The following NT5C2 variants were observed in gnomAD, a reference collection of about 807,000 sequenced individuals.
The protein encoded by NT5C2 is cytosolic purine 5'-nucleotidase.
In NT5C2, 58 loss-of-function variants were observed where a neutral mutation model predicts 76.1. That is an observed-to-expected ratio of 0.76 (90% CI 0.62 to 0.95). The LOEUF is 0.95. Among genes scored for constraint, NT5C2 ranks in the 40% least tolerant of loss-of-function variants. NT5C2 has a pLI of 0.00. For missense variants in NT5C2, 478 were observed against 690.3 expected, an observed-to-expected ratio of 0.69 and a Z score of 3.45; for synonymous variants, 229 against 237.4, an observed-to-expected ratio of 0.96 and a Z score of 0.32.
At chr10:103,127,352 T>C (rs2076861273) in intron 4 of NT5C2, among the ~76,000 whole-genome samples, 1 of 152,230 alleles carries the variant, frequency 6.6e-6, no homozygotes, top group African/African-American at 2.4e-5. Flanking sequence ...TATACAAATG[T>C]TAGTCTTACA....
rs560344785 is a variant in NT5C2 at position 103,102,549 on chromosome 10, CAG to C, written c.390-1225_390-1224del. ...CTTTTTTCTTTTTTTTTTTTTGAGA[CAG>C]AGTCTCACTCTGTCGGCCAGGCTGG... On this transcript the variant is annotated intron_variant, in intron 6 of 18. Coordinates refer to ENST00000404739, the MANE Select transcript of NT5C2 (RefSeq NM_001351169.2). Among the ~76,000 whole-genome samples, 45 of 148,978 alleles carry C rather than the reference CAG, an allele frequency of 3.0e-4. 1 individual carries two copies. The South Asian group carries it at 9.2e-3, about 30-fold the overall frequency.
At chr10:103,153,519 A>T (rs2082768676) in intron 3 of NT5C2, 4 of 985,136 alleles carry the variant, frequency 4.1e-6, no homozygotes, top group South Asian at 9.4e-5. Flanking sequence ...TAATTTTTTT[A>T]AAAATTTCAA....
intron 4 of NT5C2, among the ~76,000 whole-genome samples, chr10:103,109,121 A>G (rs1321014709): frequency 6.6e-6 from 1 of 152,116 alleles, no homozygotes; most frequent in East Asian, 1.9e-4. Context: ...AAGTGCTGCT[A>G]TTACAGGCTG....
intron 10 of NT5C2, 163 bp downstream of exon 10, chr10:103,098,768 G>T: frequency 5.1e-6 from 3 of 589,826 alleles, no homozygotes; most frequent in South Asian, 4.4e-5. Context: ...ACTCTACTAA[G>T]ACCTATGCTC....
chr10:103,174,944 C>A lies in NT5C2; in HGVS notation c.15G>T (p.Trp5Cys). Residue 5 changes from tryptophan to cysteine, a missense_variant, in exon 3 of 19, where the codon TGG becomes TGT. Coordinates refer to ENST00000404739, the MANE Select transcript of NT5C2 (RefSeq NM_001351169.2). ...CTGCTGCATTCTGTAACCGATCACT[C>A]CAGGAGGTTGACATTTTATTTTAAC... Reference protein sequence around the residue: MSTSWSDRLQNAADM... With the variant: MSTSCSDRLQNAADM... 6.2e-7 allele frequency: 1 copy of A among 1,608,274 alleles called. No homozygotes were observed. Among genetic ancestry groups the A allele is most frequent in the Non-Finnish European group, 8.5e-7 (1 of 1,174,970 alleles).
chr10:103,098,101 A>G (rs751806764), intron 10 of NT5C2: 3 of 528,646 alleles, frequency 5.7e-6, no homozygotes, highest in South Asian at 4.2e-5. Context: ...GTAGGAAAAG[A>G]AAGAAGTATG....
chr10:103,170,570 C>G (rs1223384465), intron 3 of NT5C2, among the ~76,000 whole-genome samples: 1 of 148,556 alleles, frequency 6.7e-6, no homozygotes, highest in African/African-American at 2.5e-5. Flanking sequence ...CATTCTGTCA[C>G]CCAGGCTGGT....
At chr10:103,126,631 AAAAC>A (rs879342199) in intron 4 of NT5C2, among the ~76,000 whole-genome samples, 1 of 152,114 alleles carries the variant, frequency 6.6e-6, no homozygotes, top group African/African-American at 2.4e-5. Flanking sequence ...AAAAAACTAA[AAAAC>A]AAACAAAAAA....
intron 1 of NT5C2, among the ~76,000 whole-genome samples, chr10:103,182,634 C>CAA (rs563349681): frequency 2.3e-4 from 32 of 138,000 alleles, no homozygotes; most frequent in African/African-American, 7.9e-4. Context: ...GACTCCATCT[C>CAA]AAAAAAAAAA....
At chr10:103,103,321 GTATCT>G (rs995406061) in intron 6 of NT5C2, among the ~76,000 whole-genome samples, 1 of 152,160 alleles carries the variant, frequency 6.6e-6, no homozygotes, top group African/African-American at 2.4e-5. Context: ...ACTTTGTAGA[GTATCT>G]TATCTTCTAG....
chr10:103,155,236 C>A (rs531049949), intron 3 of NT5C2, among the ~76,000 whole-genome samples: 3 of 152,138 alleles, frequency 2.0e-5, no homozygotes. Context: ...ATTAGAGATA[C>A]GCACAACAGA....
intron 4 of NT5C2, among the ~76,000 whole-genome samples, chr10:103,115,165 C>T (rs920880664): frequency 3.3e-5 from 5 of 152,214 alleles, no homozygotes; most frequent in African/African-American, 1.2e-4. Flanking sequence ...CTTTGGGAGG[C>T]CGAGGCAGGT....
intron 3 of NT5C2, among the ~76,000 whole-genome samples, chr10:103,162,418 A>C (rs906316142): frequency 5.9e-5 from 9 of 152,202 alleles, no homozygotes; most frequent in African/African-American, 2.2e-4. Flanking sequence ...CAAGTCACAG[A>C]AGAGGATCTT....
chr10:103,108,277 A>G (rs936344981), intron 4 of NT5C2, among the ~76,000 whole-genome samples: 13 of 152,240 alleles, frequency 8.5e-5, no homozygotes, highest in African/African-American at 3.1e-4. Context: ...TAAAAATAAC[A>G]GCTAAAAAGA....
intron 4 of NT5C2, among the ~76,000 whole-genome samples, chr10:103,107,882 C>T (rs117814456): frequency 0.067 from 10,095 of 151,348 alleles, 501 homozygotes; most frequent in Non-Finnish European, 0.099. Context: ...CGGCCAGGTG[C>T]GGTGGCTCAC....
In NT5C2 at chr10:103,093,420, G is replaced by GACT. The variant is rs1218447964; in HGVS notation, c.989-114_989-112dup. 7.4e-6 allele frequency: 7 copies of GACT among 951,228 alleles called. No individual in the cohort carries two copies. The Admixed American group carries it at 2.1e-4, about 29-fold the overall frequency. 58.9% of individuals were successfully genotyped at this position (951,228 alleles called of 1,614,324 possible). A position where few individuals can be genotyped will look rare whatever the true frequency, so the allele number is the denominator to read the frequency against. On this transcript the variant is annotated intron_variant, in intron 14 of 18. Transcript: ENST00000404739. ...TCATTTTATTCTTATATGAGGAACA[G>GACT]ACTAGGAAGAATAGACAAAGACTCA... is the stretch of plus-strand genomic sequence containing the variant.
intron 4 of NT5C2, among the ~76,000 whole-genome samples, chr10:103,115,340 T>C (rs2074077167): frequency 6.6e-6 from 1 of 152,150 alleles, no homozygotes; most frequent in African/African-American, 2.4e-5. Flanking sequence ...AGGCGGAGGT[T>C]GCAGTGAGTC....
intron 3 of NT5C2, among the ~76,000 whole-genome samples, chr10:103,156,531 G>C (rs1027493097): frequency 4.0e-5 from 6 of 151,794 alleles, no homozygotes; most frequent in Admixed American, 3.9e-4. Context: ...GAGGCGGGCG[G>C]ATCACCTGAG....
chr10:103,166,963 T>C (rs1263071940), intron 3 of NT5C2, among the ~76,000 whole-genome samples: 1 of 152,050 alleles, frequency 6.6e-6, no homozygotes. Flanking sequence ...ACAGTTTTGA[T>C]GTTCTACCTT....
Sources: allele counts gnomAD v4.1 joint callset (sites outside exome capture counted in the v4.1 genomes callset), GRCh38; gene constraint gnomAD v4.1.1; transcripts MANE v1.5; gene names NCBI Gene and HGNC (gene_info 2026-07-23, HGNC 2026-07-21).